GOSR1: variants seen among roughly 807,000 people sequenced by gnomAD.
The protein encoded by GOSR1 is 28 kDa Golgi SNARE protein.
Under a neutral mutation model 35.5 loss-of-function variants are expected in GOSR1, and 21 were observed. That is an observed-to-expected ratio of 0.59 (90% CI 0.42 to 0.85). The LOEUF (loss-of-function observed/expected upper bound fraction) is 0.85. Ranked by LOEUF, GOSR1 falls within the 40% of genes least tolerant of loss-of-function variation. GOSR1 has a pLI of 0.00. For synonymous variants in GOSR1, 94 were observed against 106.6 expected (o/e 0.88, Z 0.73); for missense variants, 285 against 309.6 (o/e 0.92, Z 0.60).
chr17:30,492,535 G>T, intron 5 of GOSR1, 144 bp from the exon 6 acceptor site: 1 of 541,572 alleles, frequency 1.8e-6, no homozygotes, highest in Non-Finnish European at 3.3e-6. Context: ...TTTTCAGAGG[G>T]AAATGCAAAG....
At chr17:30,480,563 G>A (rs1203657572) in intron 1 of GOSR1, among the ~76,000 whole-genome samples, 1 of 152,090 alleles carries the variant, frequency 6.6e-6, no homozygotes, top group Non-Finnish European at 1.5e-5. Context: ...GTTTCAGGAA[G>A]GATAGAACAA....
intron 6 of GOSR1, among the ~76,000 whole-genome samples, chr17:30,498,624 C>G (rs1967086961): frequency 6.6e-6 from 1 of 152,104 alleles, no homozygotes; most frequent in African/African-American, 2.4e-5. Flanking sequence ...ACCTCATGAC[C>G]ATGCCTTTGT....
Position 30,524,015 on chromosome 17 carries a change from G to A in GOSR1, c.*1637G>A, listed in dbSNP as rs536653668. On this transcript the variant is annotated 3_prime_UTR_variant, in exon 9 of 9. Coordinates refer to ENST00000451249, the MANE Select transcript of GOSR1 (RefSeq NM_001007025.2). Reference sequence around the variant, plus strand: ...TGCTTTGTTAAACAGATGCTTGAAGGCAGCATGCTCCTTAAGAGTCATCAC... The same window carrying A: ...TGCTTTGTTAAACAGATGCTTGAAGACAGCATGCTCCTTAAGAGTCATCAC... 6.8e-4 allele frequency: 119 copies of A among 175,552 alleles called. No individual in the cohort carries two copies. The Middle Eastern group carries it at 0.013, about 19-fold the overall frequency. 10.9% of individuals were successfully genotyped at this position (175,552 alleles called of 1,614,324 possible). A position where few individuals can be genotyped will look rare whatever the true frequency, so the allele number is the denominator to read the frequency against.
chr17:30,488,685 C>T (rs1222996929), intron 4 of GOSR1, among the ~76,000 whole-genome samples: 1 of 151,904 alleles, frequency 6.6e-6, no homozygotes, highest in African/African-American at 2.4e-5. Context: ...ACTACAGGTG[C>T]GTTCCACCAC....
chr17:30,484,857 T>C (rs1200512521), intron 4 of GOSR1, 87 bp downstream of exon 4: 3 of 760,302 alleles, frequency 3.9e-6, no homozygotes, highest in African/African-American at 1.7e-5. Context: ...TGTGCACATA[T>C]ATTTAAAAGG....
intron 4 of GOSR1, among the ~76,000 whole-genome samples, chr17:30,488,509 T>C (rs928064269): frequency 2.0e-5 from 3 of 151,320 alleles, no homozygotes; most frequent in African/African-American, 7.3e-5. Context: ...TTAAAAAATA[T>C]ATGTAAGAAT....
chr17:30,478,270 A>G (rs559028810), intron 1 of GOSR1, among the ~76,000 whole-genome samples: 1 of 152,298 alleles, frequency 6.6e-6, no homozygotes, highest in Admixed American at 6.5e-5. Flanking sequence ...TTTTCTCCCA[A>G]CTGTCTCTTT....
chr17:30,518,123 T>G (rs1256011108), intron 7 of GOSR1, among the ~76,000 whole-genome samples: 1 of 152,168 alleles, frequency 6.6e-6, no homozygotes, highest in Non-Finnish European at 1.5e-5. Context: ...GCAACCCCTG[T>G]GTATGCAGAT....
intron 7 of GOSR1, among the ~76,000 whole-genome samples, chr17:30,517,920 A>G (rs759847762): frequency 2.0e-5 from 3 of 152,182 alleles, no homozygotes; most frequent in Non-Finnish European, 4.4e-5. Context: ...GTGTTCACTC[A>G]GCTCCCAGAT....
chr17:30,491,997 T>A (rs1168069674), intron 5 of GOSR1, among the ~76,000 whole-genome samples: 1 of 152,102 alleles, frequency 6.6e-6, no homozygotes, highest in Non-Finnish European at 1.5e-5. Flanking sequence ...TATTTCAGTT[T>A]TAACAGCATG....
At chr17:30,507,952 A>C (rs1967467390) in intron 6 of GOSR1, among the ~76,000 whole-genome samples, 1 of 152,216 alleles carries the variant, frequency 6.6e-6, no homozygotes, top group African/African-American at 2.4e-5. Flanking sequence ...AAAGCAGCAG[A>C]GGGGTTTGAG....
intron 7 of GOSR1, among the ~76,000 whole-genome samples, chr17:30,515,121 G>A (rs1446229670): frequency 6.6e-6 from 1 of 151,874 alleles, no homozygotes; most frequent in Non-Finnish European, 1.5e-5. Context: ...CATATTTAAG[G>A]GTGTGACTCC....
chr17:30,484,200 G>T lies in GOSR1; in HGVS notation c.147-14G>T. ...TTTGAGTAATGGATCCTCTTTAACT[G>T]AACTTCTTTTTAGTTCTGATACAAC... On this transcript the variant is annotated splice_polypyrimidine_tract_variant and intron_variant, in intron 2 of 8. Coordinates refer to ENST00000451249, the MANE Select transcript of GOSR1 (RefSeq NM_001007025.2). 2 of 1,432,260 alleles carry T rather than the reference G, an allele frequency of 1.4e-6. No homozygotes were observed. The highest frequency in any genetic ancestry group is 1.1e-5 in the South Asian group (1 of 87,218). The allele number at this position is 1,432,260 out of a possible 1,614,324, so 88.7% of individuals were successfully genotyped here. A position where few individuals can be genotyped will look rare whatever the true frequency, so the allele number is the denominator to read the frequency against.
rs1968153907 is a variant in GOSR1 at position 30,524,625 on chromosome 17, C to CAGTG, written c.*2248_*2251dup. ...CACTATGATAAAAGAAACGAATCAC[C>CAGTG]AGTGTCTGTCAGTGCCCCCACTGCT... On this transcript the variant is annotated 3_prime_UTR_variant, in exon 9 of 9. Transcript: ENST00000451249. 6.6e-6 allele frequency: 1 copy of CAGTG among 151,970 alleles called. No individual in the cohort carries two copies. The highest frequency in any genetic ancestry group is 2.4e-5 in the African/African-American group (1 of 41,352). The allele number at this position is 151,970 out of a possible 1,614,324, so 9.4% of individuals were successfully genotyped here.
At chr17:30,484,129 C>T (rs1914523734) in intron 2 of GOSR1, 85 bp from the exon 3 acceptor site, 2 of 755,758 alleles carry the variant, frequency 2.6e-6, no homozygotes, top group African/African-American at 1.7e-5. Context: ...CATTTTATGG[C>T]TCCTATTAAT....
rs527942222 is a variant in GOSR1, at chr17:30,494,712, G to A, written c.509+1959G>A. On this transcript the variant is annotated intron_variant, in intron 6 of 8. Coordinates refer to ENST00000451249, the MANE Select transcript of GOSR1 (RefSeq NM_001007025.2). ...GCCCTCTGCCTCCTGGGTTCCAGCGGTTCTCCTGCCTCAGCCTCCTAGGTA... is the reference window on the plus strand; with the variant it reads ...GCCCTCTGCCTCCTGGGTTCCAGCGATTCTCCTGCCTCAGCCTCCTAGGTA... 3.0e-4 allele frequency among the ~76,000 whole-genome samples: 44 copies of A among 148,078 alleles called. No homozygotes were observed. In the South Asian group the frequency reaches 4.6e-3, roughly 15 times the overall value.
chr17:30,511,024 A>C, intron 7 of GOSR1, 115 bp downstream of exon 7: 1 of 636,336 alleles, frequency 1.6e-6, no homozygotes. Context: ...TGAACAGATC[A>C]AAGTTCGTTT....
At chr17:30,516,469 C>CAGAAAAA (rs538733723) in intron 7 of GOSR1, among the ~76,000 whole-genome samples, 4 of 111,228 alleles carry the variant, frequency 3.6e-5, no homozygotes, top group Non-Finnish European at 7.0e-5. Context: ...GACTCCGTCT[C>CAGAAAAA]AAACAAAAAA....
intron 7 of GOSR1, among the ~76,000 whole-genome samples, chr17:30,513,472 G>C (rs1967687348): frequency 6.6e-6 from 1 of 152,168 alleles, no homozygotes; most frequent in Admixed American, 6.5e-5. Flanking sequence ...CATGAAATGA[G>C]ATGAGAAAGT....
Sources: allele counts gnomAD v4.1 joint callset (sites outside exome capture counted in the v4.1 genomes callset), GRCh38; gene constraint gnomAD v4.1.1; transcripts MANE v1.5; gene names NCBI Gene and HGNC (gene_info 2026-07-23, HGNC 2026-07-21).